The following SLC22A14 variants were observed in gnomAD, a reference collection of about 807,000 sequenced individuals.
SLC22A14 encodes organic cation transporter-like 4.
In SLC22A14, 50 loss-of-function variants were observed where a neutral mutation model predicts 53.9. The ratio of observed to expected loss-of-function variants is 0.93; its 90% CI spans 0.74 to 1.17. SLC22A14 has a LOEUF of 1.17. SLC22A14 is among the 50% of genes most tolerant of loss of function. The probability of loss-of-function intolerance (pLI) is 0.00; values close to 1 mark genes in which losing one functional copy is unlikely to be tolerated. For missense variants in SLC22A14, 671 were observed against 734.7 expected, an observed-to-expected ratio of 0.91 and a Z score of 1.00; for synonymous variants, 312 against 303.0, an observed-to-expected ratio of 1.03 and a Z score of -0.31.
Position 38,307,981 on chromosome 3 carries a change from A to T in SLC22A14, c.775+261A>T. 1.9e-6 allele frequency: 1 copy of T among 521,666 alleles called. No individual in the cohort carries two copies. The highest frequency in any genetic ancestry group is 3.5e-6 in the Non-Finnish European group (1 of 288,242). 32.3% of individuals were successfully genotyped at this position (521,666 alleles called of 1,614,324 possible). On this transcript the variant is annotated intron_variant, in intron 4 of 10. Coordinates refer to ENST00000448498, the MANE Select transcript of SLC22A14 (RefSeq NM_001320033.2). This position sits in a 1 kb window ranked among gnomAD's most constrained non-coding sequence, Gnocchi z 4.4. ...CCTGGCTGCCTGGAGATGTCAGAGA[A>T]TCAGTGCCCTGACTGCCCTTCCACC...
Position 38,318,248 on chromosome 3 carries a change from G to A in SLC22A14, c.1784G>A (p.Ter595=), listed in dbSNP as rs761794445. The change falls in exon 11 of 11, where the codon TGA becomes TAA. Residue 595 remains the stop codon, a stop_retained_variant. Transcript: ENST00000448498. ...KTKETSSDDV[*] The stretch of plus-strand genomic sequence containing the variant: ...AAGGAAACATCATCTGATGATGTCT[G>A]AGGAAGCGGCCAAGAATGTCATTCT... 3.7e-5 allele frequency: 60 copies of A among 1,612,790 alleles called. No individual in the cohort carries two copies. The highest frequency in any genetic ancestry group is 4.9e-5 in the Non-Finnish European group (58 of 1,178,726).
At chr3:38,279,101 C>T (rs1035874304), upstream of SLC22A14, among the ~76,000 whole-genome samples, 7 of 152,294 alleles carry the variant, frequency 4.6e-5, no homozygotes, top group Admixed American at 1.3e-4. Context: ...AGATGCTGGA[C>T]CAGTTTCCTG....
intron 1 of SLC22A14, chr3:38,305,412 A>G (rs1704274335): frequency 6.6e-6 from 1 of 152,638 alleles, no homozygotes; most frequent in African/African-American, 2.4e-5. Flanking sequence ...GTTTTGGCTC[A>G]AAACAGAGTT....
At chr3:38,283,150 C>T (rs1233112515) in intron 1 of SLC22A14, among the ~76,000 whole-genome samples, 1 of 152,142 alleles carries the variant, frequency 6.6e-6, no homozygotes, top group Admixed American at 6.5e-5. Flanking sequence ...AAATCTTTAT[C>T]ACGCTGCATT....
At chr3:38,295,450 C>T (rs761049459) in intron 1 of SLC22A14, among the ~76,000 whole-genome samples, 7 of 152,210 alleles carry the variant, frequency 4.6e-5, no homozygotes, top group African/African-American at 1.4e-4. Flanking sequence ...TTGGGCCATC[C>T]GTGGGTTACT....
intron 1 of SLC22A14, among the ~76,000 whole-genome samples, chr3:38,296,674 T>C (rs1202300180): frequency 6.6e-6 from 1 of 152,150 alleles, no homozygotes; most frequent in East Asian, 1.9e-4. Flanking sequence ...CCTCACAGAT[T>C]CCAAAGAATG....
At chr3:38,303,393 CT>C (rs1429674284) in intron 1 of SLC22A14, among the ~76,000 whole-genome samples, 1 of 152,114 alleles carries the variant, frequency 6.6e-6, no homozygotes, top group Non-Finnish European at 1.5e-5. Flanking sequence ...ACAAGTACCA[CT>C]TTTTATACCA....
chr3:38,315,751 G>T (rs374265498), intron 9 of SLC22A14, 40 bp downstream of exon 9: 3 of 1,586,850 alleles, frequency 1.9e-6, no homozygotes, highest in Non-Finnish European at 2.6e-6. Flanking sequence ...GGGGACATGC[G>T]CAGGGAGTGA....
intron 1 of SLC22A14, among the ~76,000 whole-genome samples, chr3:38,293,005 G>A (rs1487935491): frequency 6.6e-6 from 1 of 152,166 alleles, no homozygotes; most frequent in Non-Finnish European, 1.5e-5. Context: ...CTGTGCCAGT[G>A]TCCAGGAGAC....
In SLC22A14 at chr3:38,313,903, C is replaced by T. The variant is rs1704556106; in HGVS notation, c.1340C>T (p.Ala447Val). 1 of 1,613,992 alleles carries T rather than the reference C, an allele frequency of 6.2e-7. No homozygotes were observed. The highest frequency in any genetic ancestry group is 8.5e-7 in the Non-Finnish European group (1 of 1,179,990). Residue 447 changes from alanine (A) to valine (V), a missense_variant, in exon 8 of 11, where the codon GCC becomes GTC. By Grantham distance (64) the Ala-to-Val change is moderately conservative. Coordinates refer to ENST00000448498, the MANE Select transcript of SLC22A14 (RefSeq NM_001320033.2). ...AGCCTGGCTGTGACTCTCCTCCAAG[C>T]CATCATCTGGTGCTTGCTTCTCCTT... ...KWSLAVTLLQAIIWCLLLLFL... is the reference protein window; with the variant it reads ...KWSLAVTLLQVIIWCLLLLFL...
In SLC22A14 at chr3:38,313,928, T is replaced by C. The variant is rs1401642113; in HGVS notation, c.1365T>C (p.Leu455=). 6.2e-7 allele frequency: 1 copy of C among 1,613,586 alleles called. No individual in the cohort carries two copies. Among genetic ancestry groups the C allele is most frequent in the Non-Finnish European group, 8.5e-7 (1 of 1,179,900 alleles). ...LQAIIWCLLL[L]FLPEGEDGLR... ...CCATCATCTGGTGCTTGCTTCTCCT[T>C]TTCCTCCCTGAAGGTACAGCTCATC... is the stretch of plus-strand genomic sequence containing the variant. The change falls in exon 8 of 11, where the codon CTT becomes CTC. Residue 455 remains leucine, a synonymous_variant. Coordinates refer to ENST00000448498, the MANE Select transcript of SLC22A14 (RefSeq NM_001320033.2).
upstream of SLC22A14, among the ~76,000 whole-genome samples, chr3:38,280,765 G>T (rs1269518573): frequency 6.6e-6 from 1 of 152,224 alleles, no homozygotes; most frequent in African/African-American, 2.4e-5. Context: ...GAGTAACTGG[G>T]ATTACAGGTG....
At chr3:38,305,179 A>G (rs377709654) in intron 1 of SLC22A14, 25 of 152,256 alleles carry the variant, frequency 1.6e-4, no homozygotes, top group African/African-American at 5.1e-4. Flanking sequence ...TAAATTTTGT[A>G]TCTGACAGTT....
chr3:38,281,508 A>C (rs1461249002), upstream of SLC22A14, among the ~76,000 whole-genome samples: 2 of 152,162 alleles, frequency 1.3e-5, no homozygotes, highest in African/African-American at 4.8e-5. Context: ...GGCACAGGTG[A>C]GGGAACCGAG....
intron 1 of SLC22A14, among the ~76,000 whole-genome samples, chr3:38,287,576 A>G (rs1703820568): frequency 6.6e-6 from 1 of 152,170 alleles, no homozygotes; most frequent in Non-Finnish European, 1.5e-5. Flanking sequence ...TGGGCTTTCT[A>G]TTAGCTATTT....
upstream of SLC22A14, among the ~76,000 whole-genome samples, chr3:38,279,078 C>A: frequency 6.6e-6 from 1 of 152,276 alleles, no homozygotes; most frequent in Non-Finnish European, 1.5e-5. Flanking sequence ...ATGGCTGGTT[C>A]GGGGTTGGGC....
intron 1 of SLC22A14, among the ~76,000 whole-genome samples, chr3:38,302,229 T>A (rs1704175664): frequency 7.0e-6 from 1 of 142,522 alleles, no homozygotes. Flanking sequence ...AGTGAGACTC[T>A]GTCTCAAAAA....
At chr3:38,293,133 C>T (rs1254173704) in intron 1 of SLC22A14, among the ~76,000 whole-genome samples, 2 of 152,180 alleles carry the variant, frequency 1.3e-5, no homozygotes, top group East Asian at 3.9e-4. Context: ...TAGTTAGTGG[C>T]TTCTGACTCA....
chr3:38,313,182 C>A, intron 6 of SLC22A14, 63 bp downstream of exon 6: 1 of 1,588,364 alleles, frequency 6.3e-7, no homozygotes. Context: ...CCCTTCCCTC[C>A]TCATCCTTTC....
Sources: gnomAD v4.1 joint callset for allele counts (sites outside exome capture counted in the v4.1 genomes callset) on GRCh38, gnomAD v4.1.1 for gene constraint, Gnocchi (gnomAD v3.1) non-coding constraint, MANE v1.5 for transcripts, NCBI Gene and HGNC (gene_info 2026-07-23, HGNC 2026-07-21) for gene names.